The following SORCS3 variants were observed in gnomAD, a reference collection of about 807,000 sequenced individuals.
SORCS3 encodes VPS10 domain-containing receptor SorCS3.
Under a neutral mutation model 146.3 loss-of-function variants are expected in SORCS3, and 57 were observed. The ratio of observed to expected loss-of-function variants is 0.39; its 90% CI spans 0.31 to 0.49. The LOEUF is 0.49. SORCS3 is among the 20% of genes least tolerant of loss of function. SORCS3 has a pLI of 0.92. For missense variants in SORCS3, 1,341 were observed against 1,575.5 expected, an observed-to-expected ratio of 0.85 and a Z score of 2.52; for synonymous variants, 653 against 618.5, an observed-to-expected ratio of 1.06 and a Z score of -0.83.
chr10:105,011,400 A>T (rs1057287832), intron 4 of SORCS3, among the ~76,000 whole-genome samples: 1 of 152,176 alleles, frequency 6.6e-6, no homozygotes, highest in African/African-American at 2.4e-5. Flanking sequence ...TTTGCATTGT[A>T]TGCAAATACA....
intron 2 of SORCS3, among the ~76,000 whole-genome samples, chr10:104,861,912 G>A (rs2018408011): frequency 6.6e-6 from 1 of 152,244 alleles, no homozygotes; most frequent in South Asian, 2.1e-4. Flanking sequence ...GTGCACCTTG[G>A]CTTGTAGAAT....
At chr10:105,244,193 T>C (rs1273878227) in intron 20 of SORCS3, among the ~76,000 whole-genome samples, 4 of 152,082 alleles carry the variant, frequency 2.6e-5, no homozygotes, top group African/African-American at 9.7e-5. Context: ...GAATAATGAC[T>C]CATCAGACTG....
At chr10:104,720,655 A>C (rs2016536505) in intron 1 of SORCS3, among the ~76,000 whole-genome samples, 1 of 152,124 alleles carries the variant, frequency 6.6e-6, no homozygotes. Context: ...CTGACTTTTT[A>C]ATGATCGCCC....
chr10:104,707,775 C>G (rs866254430), intron 1 of SORCS3, among the ~76,000 whole-genome samples: 3 of 152,192 alleles, frequency 2.0e-5, no homozygotes, highest in Non-Finnish European at 4.4e-5. Context: ...TGCCTATTTC[C>G]GAAACCAGAA....
At chr10:104,902,635 T>C (rs968789737) in intron 2 of SORCS3, among the ~76,000 whole-genome samples, 2 of 152,206 alleles carry the variant, frequency 1.3e-5, no homozygotes, top group Non-Finnish European at 2.9e-5. Context: ...TGTCTTCATC[T>C]TGTGAAGTCA....
intron 4 of SORCS3, among the ~76,000 whole-genome samples, chr10:105,015,462 G>A (rs1474253484): frequency 6.6e-6 from 1 of 151,978 alleles, no homozygotes; most frequent in African/African-American, 2.4e-5. Flanking sequence ...TTAACCACAT[G>A]GATGGATCTT....
intron 5 of SORCS3, among the ~76,000 whole-genome samples, chr10:105,079,127 A>T (rs770105098): frequency 6.6e-6 from 1 of 152,200 alleles, no homozygotes; most frequent in Non-Finnish European, 1.5e-5. Flanking sequence ...GGCCCCACCC[A>T]GACCTCCAGA....
intron 2 of SORCS3, among the ~76,000 whole-genome samples, chr10:104,866,854 A>G (rs916185534): frequency 3.3e-5 from 5 of 152,214 alleles, no homozygotes; most frequent in South Asian, 4.1e-4. Context: ...ACAGTCACTC[A>G]TCACGCTGGT....
At chr10:104,648,639 T>C (rs1453213463) in intron 1 of SORCS3, among the ~76,000 whole-genome samples, 2 of 152,198 alleles carry the variant, frequency 1.3e-5, no homozygotes, top group Non-Finnish European at 2.9e-5. Flanking sequence ...TGGGGGCCTC[T>C]TGTGAGTCAC....
In SORCS3 at chr10:104,923,580, C is replaced by T. The variant is rs1403152055; in HGVS notation, c.795+7648C>T. Among the ~76,000 whole-genome samples the T allele has an allele frequency of 3.3e-5, 5 of 152,168 alleles. No homozygotes were observed. In the South Asian group the frequency reaches 8.3e-4, roughly 25 times the overall value. On this transcript the variant is annotated intron_variant, in intron 3 of 26. Transcript: ENST00000369701. ...GAGCATCACACGCATTACCCAGGGA[C>T]GCTTAGCCCTCCTCCTGCAGGCAAG...
At chr10:105,001,393 G>C (rs2055059753) in intron 4 of SORCS3, among the ~76,000 whole-genome samples, 1 of 152,178 alleles carries the variant, frequency 6.6e-6, no homozygotes, top group African/African-American at 2.4e-5. Context: ...TATTGGATTT[G>C]GCAATTTTCT....
chr10:105,044,950 A>G (rs2055359579), intron 5 of SORCS3, among the ~76,000 whole-genome samples: 2 of 151,326 alleles, frequency 1.3e-5, no homozygotes, highest in Non-Finnish European at 2.9e-5. Context: ...TTTCACTTAT[A>G]GAACTACAGC....
chr10:105,090,928 ATCT>A (rs1480316737), intron 6 of SORCS3, among the ~76,000 whole-genome samples: 1 of 152,212 alleles, frequency 6.6e-6, no homozygotes, highest in Non-Finnish European at 1.5e-5. Context: ...TGCAGGAGAA[ATCT>A]ACTGTTGGAG....
intron 2 of SORCS3, among the ~76,000 whole-genome samples, chr10:104,908,408 C>G (rs534442349): frequency 6.6e-6 from 1 of 152,248 alleles, no homozygotes; most frequent in East Asian, 1.9e-4. Context: ...CAGGGGTATT[C>G]ATAAAAATGA....
intron 1 of SORCS3, among the ~76,000 whole-genome samples, chr10:104,697,818 A>G (rs7909129): frequency 0.21 from 32,455 of 152,086 alleles, 3,786 homozygotes; most frequent in Non-Finnish European, 0.27. Context: ...TTTATGTTGC[A>G]TCCAGAACAT....
At chr10:105,211,032 T>G (rs2056629932) in intron 16 of SORCS3, 105 bp from the exon 17 acceptor site, 1 of 701,820 alleles carries the variant, frequency 1.4e-6, no homozygotes, top group African/African-American at 1.7e-5. Flanking sequence ...CAATGTGTTA[T>G]GACTTTCTGG....
chr10:105,067,600 C>T (rs1027704250), intron 5 of SORCS3, among the ~76,000 whole-genome samples: 21 of 152,194 alleles, frequency 1.4e-4, no homozygotes, highest in African/African-American at 5.1e-4. Context: ...TTCTTCATTG[C>T]TAAATTGTAT....
intron 20 of SORCS3, among the ~76,000 whole-genome samples, chr10:105,228,851 T>G (rs1267637247): frequency 6.6e-6 from 1 of 152,242 alleles, no homozygotes; most frequent in Non-Finnish European, 1.5e-5. Context: ...TTGCATCTTT[T>G]TGGAACTATC....
chr10:104,810,114 A>G (rs1250542159), intron 1 of SORCS3, among the ~76,000 whole-genome samples: 2 of 152,240 alleles, frequency 1.3e-5, no homozygotes, highest in African/African-American at 4.8e-5. Context: ...GCCACCACTG[A>G]GTCATCTAGA....
Sources: gnomAD v4.1 joint callset for allele counts (sites outside exome capture counted in the v4.1 genomes callset) on GRCh38, gnomAD v4.1.1 for gene constraint, MANE v1.5 for transcripts, NCBI Gene and HGNC (gene_info 2026-07-23, HGNC 2026-07-21) for gene names.